MAGI1: variants seen among roughly 807,000 people sequenced by gnomAD.
MAGI1 encodes membrane-associated guanylate kinase, WW and PDZ domain-containing protein 1.
A neutral mutation model predicts 139.9 loss-of-function variants in MAGI1; 58 were observed. That is an observed-to-expected ratio of 0.41 (90% confidence interval 0.34 to 0.52). The LOEUF (loss-of-function observed/expected upper bound fraction) is 0.52. Among genes scored for constraint, MAGI1 ranks in the 20% least tolerant of loss-of-function variants. The probability of loss-of-function intolerance (pLI) is 0.12; values close to 1 mark genes in which losing one functional copy is unlikely to be tolerated. For synonymous variants in MAGI1, 812 were observed against 737.9 expected (o/e 1.10, Z -1.63); for missense variants, 1,874 against 1,901.6 (o/e 0.99, Z 0.27).
chr3:65,917,986 G>A (rs1487869672), intron 1 of MAGI1, among the ~76,000 whole-genome samples: 8 of 152,150 alleles, frequency 5.3e-5, no homozygotes, highest in Non-Finnish European at 1.0e-4. Flanking sequence ...CACCTTGGTG[G>A]GGGACGTTGA....
chr3:65,390,165 C>T (rs1382581203), intron 14 of MAGI1, among the ~76,000 whole-genome samples: 1 of 152,162 alleles, frequency 6.6e-6, no homozygotes, highest in Non-Finnish European at 1.5e-5. Flanking sequence ...TCGATGGGGA[C>T]CCTGCTGAGC....
At chr3:65,915,045 T>C (rs111561922) in intron 1 of MAGI1, among the ~76,000 whole-genome samples, 155 of 152,330 alleles carry the variant, frequency 1.0e-3, no homozygotes, top group African/African-American at 3.7e-3. Flanking sequence ...ATAATGCACA[T>C]TTAGAACAAC....
chr3:65,769,279 T>A (rs914770511), intron 1 of MAGI1, among the ~76,000 whole-genome samples: 21 of 152,186 alleles, frequency 1.4e-4, no homozygotes, highest in African/African-American at 4.6e-4. Flanking sequence ...TTTTGATCTT[T>A]TTATAAAAAT....
At chr3:65,984,194 T>C (rs2065748262) in intron 1 of MAGI1, among the ~76,000 whole-genome samples, 1 of 152,142 alleles carries the variant, frequency 6.6e-6, no homozygotes, top group African/African-American at 2.4e-5. Flanking sequence ...CTTGGGAGGC[T>C]GAGGCAGGAA....
At chr3:65,802,117 C>T (rs984258752) in intron 1 of MAGI1, among the ~76,000 whole-genome samples, 1 of 152,118 alleles carries the variant, frequency 6.6e-6, no homozygotes, top group African/African-American at 2.4e-5. Context: ...TCCATGAAAC[C>T]GGTCCCTGGT....
chr3:65,416,585 T>TTGAATGAA (rs147523328), intron 12 of MAGI1, among the ~76,000 whole-genome samples: 3 of 152,238 alleles, frequency 2.0e-5, no homozygotes, highest in South Asian at 4.1e-4. Flanking sequence ...CTAAAGTTTG[T>TTGAATGAA]TGAATGAATG....
At chr3:66,034,278 T>G (rs1282649831) in intron 1 of MAGI1, among the ~76,000 whole-genome samples, 1 of 152,116 alleles carries the variant, frequency 6.6e-6, no homozygotes, top group African/African-American at 2.4e-5. Flanking sequence ...GGACCTCACT[T>G]GGAGACCTAC....
At chr3:65,696,235 G>A (rs2089174694) in intron 1 of MAGI1, among the ~76,000 whole-genome samples, 1 of 152,048 alleles carries the variant, frequency 6.6e-6, no homozygotes, top group Admixed American at 6.6e-5. Flanking sequence ...GGCCTTCCCT[G>A]CTCACCCTAT....
chr3:65,386,468 C>A (rs1943460754), intron 14 of MAGI1, among the ~76,000 whole-genome samples: 1 of 152,158 alleles, frequency 6.6e-6, no homozygotes, highest in Non-Finnish European at 1.5e-5. Context: ...TACTCTTCTA[C>A]CAACTAAATG....
chr3:65,481,266 C>G (rs879791257), intron 3 of MAGI1, among the ~76,000 whole-genome samples: 8 of 152,138 alleles, frequency 5.3e-5, no homozygotes, highest in Non-Finnish European at 8.8e-5. Flanking sequence ...GGGGCTAACA[C>G]TTGAGCAAAG....
chr3:65,958,838 T>G (rs2064263049), intron 1 of MAGI1, among the ~76,000 whole-genome samples: 1 of 152,078 alleles, frequency 6.6e-6, no homozygotes, highest in Non-Finnish European at 1.5e-5. Flanking sequence ...AATACAAAAA[T>G]TAGCTGGGCA....
At chr3:65,544,034 T>C (rs1396659160) in intron 2 of MAGI1, among the ~76,000 whole-genome samples, 2 of 152,070 alleles carry the variant, frequency 1.3e-5, no homozygotes, top group Non-Finnish European at 2.9e-5. Flanking sequence ...TGAGTATATA[T>C]GGGGAAAGGG....
intron 1 of MAGI1, among the ~76,000 whole-genome samples, chr3:65,857,639 C>T (rs1466981398): frequency 1.3e-5 from 2 of 152,100 alleles, no homozygotes; most frequent in Non-Finnish European, 2.9e-5. Context: ...TTTAGCTCTT[C>T]CAAGTATATT....
At chr3:65,539,591 A>T (rs926784746) in intron 2 of MAGI1, among the ~76,000 whole-genome samples, 5 of 152,156 alleles carry the variant, frequency 3.3e-5, no homozygotes, top group African/African-American at 9.7e-5. Context: ...GAAGTGCTCA[A>T]TGAGGAGGGT....
intron 2 of MAGI1, among the ~76,000 whole-genome samples, chr3:65,509,903 T>A (rs553459480): frequency 1.5e-4 from 23 of 152,174 alleles, no homozygotes; most frequent in Admixed American, 1.1e-3. Context: ...TAAGTGTCCC[T>A]GTCTGACAGC....
intron 5 of MAGI1, among the ~76,000 whole-genome samples, chr3:65,468,913 G>A (rs988230240): frequency 6.6e-6 from 1 of 150,432 alleles, no homozygotes; most frequent in Admixed American, 6.6e-5. Context: ...TCTAGCCCAG[G>A]CAATACAGTG....
At chr3:65,378,187 A>G (rs1487996255) in intron 17 of MAGI1, among the ~76,000 whole-genome samples, 6 of 152,194 alleles carry the variant, frequency 3.9e-5, no homozygotes, top group Admixed American at 2.6e-4. Context: ...GCAGATTCAT[A>G]TATCACTAGT....
intron 12 of MAGI1, among the ~76,000 whole-genome samples, chr3:65,411,244 T>C (rs185562072): frequency 5.3e-5 from 8 of 152,326 alleles, no homozygotes; most frequent in African/African-American, 1.9e-4. Flanking sequence ...CTTGTCTTCA[T>C]CTAAAAATGC....
At chr3:65,933,694 T>C (rs943491284) in intron 1 of MAGI1, among the ~76,000 whole-genome samples, 3 of 152,198 alleles carry the variant, frequency 2.0e-5, no homozygotes, top group Non-Finnish European at 2.9e-5. Context: ...TAGATTAGGA[T>C]AGATACTCCT....
Sources: gnomAD v4.1 joint callset for allele counts (sites outside exome capture counted in the v4.1 genomes callset) on GRCh38, gnomAD v4.1.1 for gene constraint, MANE v1.5 for transcripts, NCBI Gene and HGNC (gene_info 2026-07-23, HGNC 2026-07-21) for gene names.